The following PCDH18 variants were observed in gnomAD, a reference collection of about 807,000 sequenced individuals.
PCDH18 encodes protocadherin 18.
In PCDH18, 38 loss-of-function variants were observed where a neutral mutation model predicts 71.5. The ratio of observed to expected loss-of-function variants is 0.53; its 90% CI spans 0.41 to 0.70. The LOEUF (loss-of-function observed/expected upper bound fraction) is 0.70. PCDH18 is among the 30% of genes least tolerant of loss of function. The pLI is 0.00. For missense variants in PCDH18, 1,334 were observed against 1,384.6 expected (o/e 0.96, Z 0.58); for synonymous variants, 565 against 505.4 (o/e 1.12, Z -1.58).
Position 137,531,132 on chromosome 4 carries a change from G to A in PCDH18, c.957C>T (p.Ser319=), listed in dbSNP as rs759577221. The part of the protein sequence containing the change: ...FKQVDYEITK[S]YEIDVQAQDL... ...CTTGAGCCTGAACATCAATCTCATA[G>A]GATTTGGTGATTTCATAATCCACTT... The change falls in exon 1 of 4, where the codon TCC becomes TCT. Residue 319 remains serine, a synonymous_variant. Transcript: ENST00000344876. 122 of 1,613,694 alleles carry A rather than the reference G, an allele frequency of 7.6e-5. 1 individual carries two copies. Among genetic ancestry groups the A allele is most frequent in the Non-Finnish European group, 3.1e-5 (37 of 1,179,782 alleles).
At chr4:137,523,479 G>T (rs1261836388) in intron 3 of PCDH18, among the ~76,000 whole-genome samples, 1 of 151,796 alleles carries the variant, frequency 6.6e-6, no homozygotes, top group African/African-American at 2.4e-5. Flanking sequence ...AATTCCGCAG[G>T]TCTCTGAAAA....
At position 137,531,042 on chromosome 4, in the gene PCDH18, G is replaced by A. The variant is rs1731671588; in HGVS notation, c.1047C>T (p.Asp349=). The A allele has an allele frequency of 9.3e-6, 15 of 1,609,864 alleles. No individual in the cohort carries two copies. Among genetic ancestry groups the A allele is most frequent in the Non-Finnish European group, 1.3e-5 (15 of 1,177,994 alleles). Residue 349 remains aspartate (D), a synonymous_variant, in exon 1 of 4, where the codon GAC becomes GAT. Transcript: ENST00000344876. ...KIIIKVVDVN[D]NKPEININLM... ...GGTTGATGTTAATTTCAGGTTTATT[G>A]TCATTAACATCCACAACCTTAATTA...
chr4:137,531,600 A>G lies in PCDH18; in HGVS notation c.489T>C (p.Asp163=), dbSNP rs1356134095. The G allele has an allele frequency of 6.2e-7, 1 of 1,613,704 alleles. No individual in the cohort carries two copies. Among genetic ancestry groups the G allele is most frequent in the Admixed American group, 1.7e-5 (1 of 59,982 alleles). Residue 163 remains aspartate (D), a synonymous_variant, in exon 1 of 4, where the codon GAT becomes GAC. Transcript: ENST00000344876. ...GGAGGGAATTTTCCCCAACATCTGGATCAAATGCACTGTCCAGGGGAATGC... is the reference window on the plus strand; with the variant it reads ...GGAGGGAATTTTCCCCAACATCTGGGTCAAATGCACTGTCCAGGGGAATGC... ...GTRIPLDSAF[D]PDVGENSLHT...
rs759932484 is a variant in PCDH18 at position 137,530,404 on chromosome 4, A to G, written c.1685T>C (p.Val562Ala). 2 of 1,614,108 alleles carry G rather than the reference A, an allele frequency of 1.2e-6. No homozygotes were observed. Among genetic ancestry groups the G allele is most frequent in the Non-Finnish European group, 8.5e-7 (1 of 1,179,994 alleles). Residue 562 changes from valine to alanine, a missense_variant, in exon 1 of 4, where the codon GTT becomes GCT. Coordinates refer to ENST00000344876, the MANE Select transcript of PCDH18 (RefSeq NM_019035.5). The stretch of plus-strand genomic sequence containing the variant: ...ATTTTCGTCAATGATGGTGAGCACA[A>G]CTGTGGTATTGCTTACCAGTTGCTT... ...SPKQLVSNTT[V>A]VLTIIDENDN...
Position 137,530,744 on chromosome 4 carries a change from T to G in PCDH18, c.1345A>C (p.Lys449Gln). 1 of 1,613,144 alleles carries G rather than the reference T, an allele frequency of 6.2e-7. No individual in the cohort carries two copies. Among genetic ancestry groups the G allele is most frequent in the South Asian group, 1.1e-5 (1 of 91,056 alleles). Reference protein sequence around the residue: ...DRGTPSLSTVKHFTVQINDIN... With the variant: ...DRGTPSLSTVQHFTVQINDIN... ...TCATTGATTTGAACTGTAAAATGTT[T>G]CACTGTAGAGAGACTGGGTGTCCCC... The change falls in exon 1 of 4, where the codon AAA (lysine) becomes CAA (glutamine). Residue 449 changes from lysine (K) to glutamine (Q), a missense_variant. Physicochemically the swap from Lys to Gln is moderately conservative, Grantham distance 53 (BLOSUM62 1). Around this residue, in one of 3 missense-constraint regions of PCDH18, gnomAD observed 1,011 missense variants for 1,048.0 expected, o/e 0.96. Transcript: ENST00000344876.
chr4:137,525,535 G>A (rs1217682294), intron 3 of PCDH18, among the ~76,000 whole-genome samples: 1 of 152,088 alleles, frequency 6.6e-6, no homozygotes, highest in African/African-American at 2.4e-5. Context: ...AGTTGCTGGG[G>A]TAAATAATAA....
chr4:137,530,827 G>T lies in PCDH18; in HGVS notation c.1262C>A (p.Ala421Asp), dbSNP rs774437643. 2 of 1,610,088 alleles carry T rather than the reference G, an allele frequency of 1.2e-6. No individual in the cohort carries two copies. Among genetic ancestry groups the T allele is most frequent in the Non-Finnish European group, 1.7e-6 (2 of 1,176,986 alleles). Residue 421 changes from alanine to aspartate, a missense_variant, in exon 1 of 4, where the codon GCC (alanine) becomes GAC (aspartate). This residue lies in a region of PCDH18 where 1,011 missense variants were observed against 1,048.0 expected (regional missense o/e 0.96). Transcript: ENST00000344876. ...AGATCTCTTTTCTCTATCCAGTGTG[G>T]CATTAGTTAAGATTAAATAATTGTT... The part of the protein sequence containing the change: ...YENNYLILTN[A>D]TLDREKRSEY...
Position 137,532,202 on chromosome 4 carries a change from T to C in PCDH18, c.-114A>G. ...GGTACTTGAAACTTGAAAGCGTCTC[T>C]TAATAACACAGCACAGCAATTAACA... On this transcript the variant is annotated 5_prime_UTR_variant, in exon 1 of 4. Transcript: ENST00000344876. The C allele has an allele frequency of 1.2e-6, 1 of 867,590 alleles. No homozygotes were observed. Among genetic ancestry groups the C allele is most frequent in the Non-Finnish European group, 2.0e-6 (1 of 510,134 alleles). 53.7% of individuals were successfully genotyped at this position (867,590 alleles called of 1,614,324 possible). A position where few individuals can be genotyped will look rare whatever the true frequency, so the allele number is the denominator to read the frequency against.
chr4:137,523,269 G>T lies in PCDH18; in HGVS notation c.2741-1573C>A, dbSNP rs965234140. On this transcript the variant is annotated intron_variant, in intron 3 of 3. Coordinates refer to ENST00000344876, the MANE Select transcript of PCDH18 (RefSeq NM_019035.5). ...AGGTTACATTTAAATAAGCAAGAATGATTTAAGAATAAAAGCTTTTTTAGA... is the reference window on the plus strand; with the variant it reads ...AGGTTACATTTAAATAAGCAAGAATTATTTAAGAATAAAAGCTTTTTTAGA... Among the ~76,000 whole-genome samples, 20 of 152,008 alleles carry T rather than the reference G, an allele frequency of 1.3e-4. No homozygotes were observed. The East Asian group carries it at 3.9e-3, about 29-fold the overall frequency.
Position 137,521,620 on chromosome 4 carries a change from C to A in PCDH18, c.2817G>T (p.Pro939=). Residue 939 remains proline (P), a synonymous_variant, in exon 4 of 4, where the codon CCG becomes CCT. Transcript: ENST00000344876. ...DQCWMPPLPS[P]SSDYRSNMFI... ...ACATGTTACTCCTATAATCAGAAGA[C>A]GGTGAGGGCAGTGGTGGCATCCAGC... 6.2e-7 allele frequency: 1 copy of A among 1,613,488 alleles called. No individual in the cohort carries two copies. Among genetic ancestry groups the A allele is most frequent in the Non-Finnish European group, 8.5e-7 (1 of 1,179,962 alleles).
At position 137,521,455 on chromosome 4, in the gene PCDH18, C is replaced by G. The variant is rs1358697952; in HGVS notation, c.2982G>C (p.Glu994Asp). Residue 994 changes from glutamate (E) to aspartate (D), a missense_variant, in exon 4 of 4, where the codon GAG becomes GAC. Around this residue, in one of 3 missense-constraint regions of PCDH18, gnomAD observed 319 missense variants for 316.3 expected, o/e 1.01. Transcript: ENST00000344876. ...ATGATGTGCTGGTATCCCCAGTGTC[C>G]TCATCGTTTGGGGAGTCCTTTCCAA... ...STFGKDSPND[E>D]DTGDTSTSSL... is the part of the protein sequence containing the mutation. 6.2e-7 allele frequency: 1 copy of G among 1,614,176 alleles called. No individual in the cohort carries two copies. The highest frequency in any genetic ancestry group is 8.5e-7 in the Non-Finnish European group (1 of 1,180,022).
intron 3 of PCDH18, among the ~76,000 whole-genome samples, chr4:137,526,859 T>C (rs779075129): frequency 2.0e-5 from 3 of 151,798 alleles, no homozygotes; most frequent in Non-Finnish European, 4.4e-5. Context: ...GATTAGTGTT[T>C]AAGAGTGCAG....
In PCDH18 at chr4:137,521,463, T is replaced by C. The variant is rs755676427; in HGVS notation, c.2974A>G (p.Asn992Asp). ...CTGGTATCCCCAGTGTCCTCATCGTTTGGGGAGTCCTTTCCAAAGGTGGAA... is the reference window on the plus strand; with the variant it reads ...CTGGTATCCCCAGTGTCCTCATCGTCTGGGGAGTCCTTTCCAAAGGTGGAA... ...SFSTFGKDSP[N>D]DEDTGDTSTS... The change falls in exon 4 of 4, where the codon AAC (asparagine) becomes GAC (aspartate). Residue 992 changes from asparagine (N) to aspartate (D), a missense_variant. Transcript: ENST00000344876. 6.2e-6 allele frequency: 10 copies of C among 1,614,038 alleles called. No homozygotes were observed. Among genetic ancestry groups the C allele is most frequent in the Admixed American group, 1.7e-5 (1 of 60,008 alleles).
chr4:137,531,683 G>T lies in PCDH18; in HGVS notation c.406C>A (p.Gln136Lys). Residue 136 changes from glutamine (Q) to lysine (K), a missense_variant, in exon 1 of 4, where the codon CAG becomes AAG. By Grantham distance (53) the Gln-to-Lys change is moderately conservative. This residue lies in a region of PCDH18 where 1,011 missense variants were observed against 1,048.0 expected (regional missense o/e 0.96). Transcript: ENST00000344876. The stretch of plus-strand genomic sequence containing the variant: ...ATAGGTATGAGAGATCTTGAAAACT[G>T]GGGAGAATTGTCATTAATATCCAGC... ...EVLDINDNSP[Q>K]FSRSLIPIEI... 6.2e-7 allele frequency: 1 copy of T among 1,614,078 alleles called. No individual in the cohort carries two copies. Among genetic ancestry groups the T allele is most frequent in the Non-Finnish European group, 8.5e-7 (1 of 1,179,962 alleles).
At position 137,521,410 on chromosome 4, in the gene PCDH18, G is replaced by A. The variant is rs1331090838; in HGVS notation, c.3027C>T (p.Ser1009=). The part of the protein sequence containing the change: ...TSTSSLLSEM[S]SVFQRLLPPS... ...GCGGTAAGAGACGCTGGAACACACT[G>A]CTCATTTCCGAGAGCAGAGATGATG... The change falls in exon 4 of 4, where the codon AGC becomes AGT. Residue 1009 remains serine, a synonymous_variant. Transcript: ENST00000344876. 6.2e-7 allele frequency: 1 copy of A among 1,614,204 alleles called. No homozygotes were observed. The highest frequency in any genetic ancestry group is 1.1e-5 in the South Asian group (1 of 91,088).
At position 137,530,990 on chromosome 4, in the gene PCDH18, A is replaced by T; in HGVS notation, c.1099T>A (p.Ser367Thr). ...NLMSPGKEEI[S>T]YIFEGDPIDT... is the part of the protein sequence containing the mutation. Reference sequence around the variant, plus strand: ...ATAGGATCCCCTTCAAAAATATAAGATATTTCTTCTTTTCCAGGGGACATG... The same window carrying T: ...ATAGGATCCCCTTCAAAAATATAAGTTATTTCTTCTTTTCCAGGGGACATG... The change falls in exon 1 of 4, where the codon TCT becomes ACT. Residue 367 changes from serine (S) to threonine (T), a missense_variant. Physicochemically the swap from Ser to Thr is moderately conservative, Grantham distance 58 (BLOSUM62 1). Transcript: ENST00000344876. The T allele has an allele frequency of 1.2e-6, 2 of 1,612,680 alleles. No homozygotes were observed. Among genetic ancestry groups the T allele is most frequent in the Non-Finnish European group, 1.7e-6 (2 of 1,179,400 alleles).
chr4:137,521,635 T>C lies in PCDH18; in HGVS notation c.2802A>G (p.Pro934=), dbSNP rs769984720. The C allele has an allele frequency of 5.0e-6, 8 of 1,612,894 alleles. No homozygotes were observed. In the South Asian group the frequency reaches 5.5e-5, roughly 11 times the overall value. The change falls in exon 4 of 4, where the codon CCA becomes CCG. Residue 934 remains proline (P), a synonymous_variant. Transcript: ENST00000344876. The stretch of plus-strand genomic sequence containing the variant: ...AATCAGAAGACGGTGAGGGCAGTGG[T>C]GGCATCCAGCACTGGTCAGAGTGTC... ...VLGHSDQCWM[P]PLPSPSSDYR...
Position 137,521,234 on chromosome 4 carries a change from T to C in PCDH18, c.3203A>G (p.Asn1068Ser), listed in dbSNP as rs1224004971. The change falls in exon 4 of 4, where the codon AAC (asparagine) becomes AGC (serine). Residue 1068 changes from asparagine (N) to serine (S), a missense_variant. This residue lies in a region of PCDH18 where 319 missense variants were observed against 316.3 expected (regional missense o/e 1.01). Transcript: ENST00000344876. ...ASTHFQNPTT[N>S]CGPPLGTHSS... Reference sequence around the variant, plus strand: ...GTGAGTTCCAAGTGGCGGCCCACAGTTGGTGGTGGGATTTTGAAAATGCGT... The same window carrying C: ...GTGAGTTCCAAGTGGCGGCCCACAGCTGGTGGTGGGATTTTGAAAATGCGT... The C allele has an allele frequency of 6.2e-7, 1 of 1,613,512 alleles. No individual in the cohort carries two copies. Among genetic ancestry groups the C allele is most frequent in the Non-Finnish European group, 8.5e-7 (1 of 1,179,584 alleles).
rs1359947812 is a variant in PCDH18, at chr4:137,520,271, T to C, written c.*758A>G. 1 of 152,430 alleles carries C rather than the reference T, an allele frequency of 6.6e-6. No individual in the cohort carries two copies. The highest frequency in any genetic ancestry group is 1.5e-5 in the Non-Finnish European group (1 of 68,042). 9.4% of individuals were successfully genotyped at this position (152,430 alleles called of 1,614,324 possible). A position where few individuals can be genotyped will look rare whatever the true frequency, so the allele number is the denominator to read the frequency against. ...ATGGAATAAAATTTATTGTTTACCA[T>C]AATTATAAGTAGATAATAATATTGT... On this transcript the variant is annotated 3_prime_UTR_variant, in exon 4 of 4. Transcript: ENST00000344876.
Sources: allele counts gnomAD v4.1 joint callset (sites outside exome capture counted in the v4.1 genomes callset), GRCh38; gene constraint gnomAD v4.1.1; regional missense constraint gnomAD v4.1.1; transcripts MANE v1.5; gene names NCBI Gene and HGNC (gene_info 2026-07-23, HGNC 2026-07-21).